Variants in UBXN8 observed in about 807,000 individuals in gnomAD.
UBXN8 encodes UBX domain-containing protein 8.
UBXN8 carries 27 observed loss-of-function variants against 32.1 expected under a neutral mutation model. The ratio of observed to expected loss-of-function variants is 0.84; its 90% CI spans 0.62 to 1.16. UBXN8 has a LOEUF of 1.16. Ranked by LOEUF, UBXN8 falls within the 50% of genes most tolerant of loss-of-function variation. The pLI is 0.00. For missense variants in UBXN8, 306 were observed against 311.4 expected (o/e 0.98, Z 0.13); for synonymous variants, 109 against 111.8 (o/e 0.98, Z 0.16).
At chr8:30,756,743 A>G (rs1445538747) in intron 4 of UBXN8, 22 bp from the exon 5 acceptor site, 30 of 1,613,264 alleles carry the variant, frequency 1.9e-5, no homozygotes, top group Non-Finnish European at 2.5e-5. Flanking sequence ...CTCTTTAGAA[A>G]TTGTCTGTTG....
At chr8:30,757,157 T>TA (rs1321145386) in intron 5 of UBXN8, among the ~76,000 whole-genome samples, 3,465 of 124,712 alleles carry the variant, frequency 0.028, 65 homozygotes, top group African/African-American at 0.054. Flanking sequence ...CATCTCTATT[T>TA]AAAAAAAAAA....
chr8:30,744,175 G>A lies in UBXN8; in HGVS notation c.-15G>A, dbSNP rs909863567. The A allele has an allele frequency of 6.2e-7, 1 of 1,610,310 alleles. No homozygotes were observed. The highest frequency in any genetic ancestry group is 1.7e-5 in the Admixed American group (1 of 59,196). On this transcript the variant is annotated 5_prime_UTR_variant, in exon 1 of 8. Transcript: ENST00000265616. ...AGGGGCGGGCTTTCCGCCTGCACCA[G>A]GCGCTTCCGCCACCATGGCTTCACG...
chr8:30,752,941 AT>A (rs573637522), intron 2 of UBXN8, 93 bp from the exon 3 acceptor site: 15 of 1,375,442 alleles, frequency 1.1e-5, no homozygotes, highest in South Asian at 1.8e-5. Context: ...TAGACTTTAG[AT>A]TTTTTTCTTT....
upstream of UBXN8, among the ~76,000 whole-genome samples, chr8:30,741,368 AGAGT>A (rs1429889116): frequency 1.3e-5 from 2 of 152,010 alleles, no homozygotes; most frequent in African/African-American, 4.8e-5. Context: ...CCTGTGTGAC[AGAGT>A]GAGACCCTGT....
rs141893128 is a variant in UBXN8, at chr8:30,753,357, A to G, written c.282+252A>G. Among the ~76,000 whole-genome samples the G allele has an allele frequency of 0.017, 2,592 of 152,234 alleles. 37 individuals are homozygous for G. The highest frequency in any genetic ancestry group is 0.024 in the South Asian group (114 of 4,814). On this transcript the variant is annotated intron_variant, in intron 3 of 7. Coordinates refer to ENST00000265616, the MANE Select transcript of UBXN8 (RefSeq NM_005671.4). ...CTGCAATCTCCACCTCCCAGGTTCAAGTGATTCTCCTGCCTCTGCCTCCCG... is the reference window on the plus strand; with the variant it reads ...CTGCAATCTCCACCTCCCAGGTTCAGGTGATTCTCCTGCCTCTGCCTCCCG...
intron 5 of UBXN8, among the ~76,000 whole-genome samples, chr8:30,758,035 A>G (rs1391896067): frequency 6.6e-6 from 1 of 151,668 alleles, no homozygotes; most frequent in Non-Finnish European, 1.5e-5. Flanking sequence ...AGCTGGGACT[A>G]CAGGCGCCCA....
chr8:30,766,010 C>CA (rs35768128), intron 7 of UBXN8, among the ~76,000 whole-genome samples: 108,923 of 133,698 alleles, frequency 0.81, 44,018 homozygotes, highest in Non-Finnish European at 0.86. Context: ...ACTCCCATCT[C>CA]AAAAAAAAAA....
rs868348390 is a variant in UBXN8 at position 30,763,292 on chromosome 8, G to A, written c.590G>A (p.Arg197Gln). ...CCTTAGGTAGTTACTGTTGCTCTCCGATGTCCCAGTGGGAATGTCCTGAGG... is the reference window on the plus strand; with the variant it reads ...CCTTAGGTAGTTACTGTTGCTCTCCAATGTCCCAGTGGGAATGTCCTGAGG... ...TAEEVVTVAL[R>Q]CPSGNVLRRR... is the part of the protein sequence containing the mutation. The change falls in exon 7 of 8, where the codon CGA becomes CAA. Residue 197 changes from arginine to glutamine, a missense_variant. Arg to Gln is a conservative substitution (Grantham distance 43, BLOSUM62 1). Transcript: ENST00000265616. 3 of 1,613,806 alleles carry A rather than the reference G, an allele frequency of 1.9e-6. No homozygotes were observed. The highest frequency in any genetic ancestry group is 1.3e-5 in the African/African-American group (1 of 75,054).
At chr8:30,735,156 T>C (rs1279515944) in intron 1 of UBXN8, among the ~76,000 whole-genome samples, 62 of 152,188 alleles carry the variant, frequency 4.1e-4, no homozygotes, top group Non-Finnish European at 4.4e-5. Flanking sequence ...GTTAAATAAC[T>C]TGCACAAGAT....
At chr8:30,736,370 G>A (rs1191424280) in intron 1 of UBXN8, among the ~76,000 whole-genome samples, 1 of 146,240 alleles carries the variant, frequency 6.8e-6, no homozygotes, top group Admixed American at 6.8e-5. Context: ...AACATATCTT[G>A]AAAGATCATG....
upstream of UBXN8, among the ~76,000 whole-genome samples, chr8:30,742,747 T>G (rs1805239765): frequency 6.6e-6 from 1 of 152,142 alleles, no homozygotes; most frequent in South Asian, 2.1e-4. Flanking sequence ...TTCCTAACCT[T>G]TGAACACAAC....
chr8:30,746,299 C>CT (rs571463726), intron 1 of UBXN8, among the ~76,000 whole-genome samples: 37 of 149,960 alleles, frequency 2.5e-4, no homozygotes, highest in African/African-American at 4.9e-4. Context: ...ATATTTTTTC[C>CT]TTTTTTTTTC....
At chr8:30,756,740 G>C in intron 4 of UBXN8, 25 bp from the exon 5 acceptor site, 2 of 1,613,226 alleles carry the variant, frequency 1.2e-6, no homozygotes, top group Non-Finnish European at 1.7e-6. Context: ...CATCTCTTTA[G>C]AAATTGTCTG....
chr8:30,762,061 CT>C (rs11393072), intron 6 of UBXN8, among the ~76,000 whole-genome samples: 54 of 135,386 alleles, frequency 4.0e-4, no homozygotes, highest in African/African-American at 4.9e-4. Context: ...CCTTGGAAAC[CT>C]TTTTTTTTTT....
At chr8:30,739,155 A>G (rs1644969952) in intron 1 of UBXN8, among the ~76,000 whole-genome samples, 2 of 150,682 alleles carry the variant, frequency 1.3e-5, no homozygotes, top group African/African-American at 2.4e-5. Context: ...GTTTGGCTGT[A>G]GAAGGGTAGC....
At chr8:30,755,372 C>T (rs1200679725) in intron 4 of UBXN8, among the ~76,000 whole-genome samples, 1 of 152,112 alleles carries the variant, frequency 6.6e-6, no homozygotes, top group Non-Finnish European at 1.5e-5. Context: ...GCCTCAGCTT[C>T]TTAAGTAGCT....
chr8:30,753,135 G>A (rs148102660), intron 3 of UBXN8, 30 bp downstream of exon 3: 71 of 1,459,258 alleles, frequency 4.9e-5, no homozygotes, highest in African/African-American at 1.9e-4. Context: ...GACTTTATGC[G>A]TAGAGAAATA....
At chr8:30,738,232 G>GT (rs1328605614) in intron 1 of UBXN8, among the ~76,000 whole-genome samples, 1 of 152,100 alleles carries the variant, frequency 6.6e-6, no homozygotes, top group Non-Finnish European at 1.5e-5. Context: ...CAAAAAGTCA[G>GT]TAACAGCTGG....
chr8:30,764,032 A>G (rs1805932641), intron 7 of UBXN8, among the ~76,000 whole-genome samples: 1 of 152,138 alleles, frequency 6.6e-6, no homozygotes, highest in African/African-American at 2.4e-5. Context: ...GTTGTTAGTG[A>G]TAATTTGGAA....
Sources: allele counts gnomAD v4.1 joint callset (sites outside exome capture counted in the v4.1 genomes callset), GRCh38; gene constraint gnomAD v4.1.1; transcripts MANE v1.5; gene names NCBI Gene and HGNC (gene_info 2026-07-23, HGNC 2026-07-21).